IL1RAPL1: variants seen among roughly 807,000 people sequenced by gnomAD.
IL1RAPL1 encodes the protein interleukin-1 receptor accessory protein-like 1.
IL1RAPL1 carries 3 observed loss-of-function variants against 48.4 expected under a neutral mutation model. The ratio of observed to expected loss-of-function variants is 0.06; its 90% CI spans 0.03 to 0.16. The LOEUF is 0.16. Among genes scored for constraint, IL1RAPL1 ranks in the 10% least tolerant of loss-of-function variants. The probability of loss-of-function intolerance (pLI) is 1.00; values close to 1 mark genes in which losing one functional copy is unlikely to be tolerated. For synonymous variants in IL1RAPL1, 185 were observed against 187.7 expected (o/e 0.99, Z 0.12); for missense variants, 349 against 530.6 (o/e 0.66, Z 3.36).
At chrX:28,940,531 C>T (rs1345459461) in intron 2 of IL1RAPL1, among the ~76,000 whole-genome samples, 3 of 110,905 alleles carry the variant, frequency 2.7e-5, no homozygotes, top group East Asian at 2.8e-4. Flanking sequence ...CAGCACCTTG[C>T]AATATCAGAG....
intron 3 of IL1RAPL1, among the ~76,000 whole-genome samples, chrX:29,314,068 A>C (rs1339673004): frequency 8.9e-6 from 1 of 111,911 alleles, no homozygotes; most frequent in African/African-American, 3.2e-5. Context: ...ATTGAGTGCA[A>C]ATAATTAGTG....
At chrX:28,605,086 A>T (rs1012101604) in intron 1 of IL1RAPL1, among the ~76,000 whole-genome samples, 22 of 111,465 alleles carry the variant, frequency 2.0e-4, no homozygotes, top group Admixed American at 1.8e-3. Flanking sequence ...TTTGCTGGGA[A>T]AATGCTCCAT....
chrX:29,454,226 T>C (rs1934713382), intron 5 of IL1RAPL1, among the ~76,000 whole-genome samples: 1 of 112,463 alleles, frequency 8.9e-6, no homozygotes, highest in Admixed American at 9.5e-5. Flanking sequence ...AATAGGCACA[T>C]TATCAGATCA....
At chrX:29,587,038 C>T (rs923726658) in intron 5 of IL1RAPL1, among the ~76,000 whole-genome samples, 5 of 110,404 alleles carry the variant, frequency 4.5e-5, no homozygotes, top group Non-Finnish European at 9.5e-5. Flanking sequence ...ATTACTCTGG[C>T]CAGGACTTTA....
At chrX:29,192,383 T>G (rs757684093) in intron 2 of IL1RAPL1, among the ~76,000 whole-genome samples, 4 of 112,243 alleles carry the variant, frequency 3.6e-5, no homozygotes, top group Non-Finnish European at 7.5e-5. Flanking sequence ...TGCATTTTGG[T>G]GGCCCCAAAA....
chrX:29,096,775 T>G (rs978875999), intron 2 of IL1RAPL1, among the ~76,000 whole-genome samples: 1 of 110,547 alleles, frequency 9.0e-6, no homozygotes, highest in African/African-American at 3.3e-5. Flanking sequence ...TGATTTTCTT[T>G]GAGGTCCAAA....
At position 29,438,093 on chromosome X, in the gene IL1RAPL1, T is replaced by C. The variant is rs999253018; in HGVS notation, c.703+38785T>C. ...GGCTATTCAAATAATTAAATTCATA[T>C]TGAGTGAGTTGTCACAGTTCATGAT... On this transcript the variant is annotated intron_variant, in intron 5 of 10. Coordinates refer to ENST00000378993, the MANE Select transcript of IL1RAPL1 (RefSeq NM_014271.4). Among the ~76,000 whole-genome samples the C allele has an allele frequency of 5.4e-5, 6 of 111,328 alleles. No homozygotes were observed. In the East Asian group the frequency reaches 1.4e-3, roughly 26 times the overall value.
intron 5 of IL1RAPL1, among the ~76,000 whole-genome samples, chrX:29,407,577 G>A (rs981985704): frequency 2.7e-5 from 3 of 111,522 alleles, no homozygotes; most frequent in South Asian, 3.7e-4. Flanking sequence ...GCCATTAACC[G>A]TCTTATGTAC....
At chrX:28,999,513 A>G (rs947556134) in intron 2 of IL1RAPL1, among the ~76,000 whole-genome samples, 4 of 110,279 alleles carry the variant, frequency 3.6e-5, no homozygotes, top group Non-Finnish European at 7.6e-5. Context: ...TTTTATTTTA[A>G]CCCCAGCAGT....
intron 5 of IL1RAPL1, among the ~76,000 whole-genome samples, chrX:29,559,922 C>T (rs1158211997): frequency 1.8e-5 from 2 of 111,721 alleles, no homozygotes; most frequent in African/African-American, 6.5e-5. Flanking sequence ...ATTGGAGTTA[C>T]AAGTGACTTA....
chrX:29,711,069 T>TACAC (rs745317897), intron 6 of IL1RAPL1, among the ~76,000 whole-genome samples: 1,083 of 86,424 alleles, frequency 0.013, 19 homozygotes, highest in African/African-American at 0.042. Context: ...TGTGTGTGTA[T>TACAC]ACACACACAC....
chrX:29,656,799 A>G (rs922817445), intron 5 of IL1RAPL1, among the ~76,000 whole-genome samples: 2 of 111,543 alleles, frequency 1.8e-5, no homozygotes. Context: ...GCTATTCTAC[A>G]TTAGGTGGTT....
intron 5 of IL1RAPL1, among the ~76,000 whole-genome samples, chrX:29,579,202 A>C: frequency 8.9e-6 from 1 of 112,325 alleles, no homozygotes; most frequent in East Asian, 2.8e-4. Flanking sequence ...AGGCTAGCGC[A>C]TATCCAAGGG....
intron 1 of IL1RAPL1, among the ~76,000 whole-genome samples, chrX:28,657,340 AT>A (rs1412987995): frequency 9.0e-6 from 1 of 111,678 alleles, no homozygotes; most frequent in African/African-American, 3.3e-5. Flanking sequence ...CATTTTCCAC[AT>A]TTTTTTCCAG....
intron 3 of IL1RAPL1, among the ~76,000 whole-genome samples, chrX:29,332,793 G>T (rs1372974661): frequency 9.0e-6 from 1 of 111,088 alleles, no homozygotes; most frequent in Non-Finnish European, 1.9e-5. Flanking sequence ...AGGACCCTGC[G>T]GCCTTCCGCA....
intron 6 of IL1RAPL1, among the ~76,000 whole-genome samples, chrX:29,704,488 AC>A (rs1248735487): frequency 1.8e-5 from 2 of 110,338 alleles, no homozygotes. Context: ...AGCCAACGTG[AC>A]AAAACCCTGT....
intron 3 of IL1RAPL1, among the ~76,000 whole-genome samples, chrX:29,339,441 G>T (rs1322091251): frequency 9.0e-6 from 1 of 111,663 alleles, no homozygotes; most frequent in Non-Finnish European, 1.9e-5. Context: ...TTAGGATTCA[G>T]AAAAGGGAAT....
At chrX:29,018,917 C>G (rs1926300736) in intron 2 of IL1RAPL1, among the ~76,000 whole-genome samples, 1 of 111,735 alleles carries the variant, frequency 8.9e-6, no homozygotes, top group South Asian at 3.7e-4. Flanking sequence ...ATAGTCTGTT[C>G]TCATGCTGCT....
chrX:28,662,414 G>T (rs1934833111), intron 1 of IL1RAPL1, among the ~76,000 whole-genome samples: 1 of 111,650 alleles, frequency 9.0e-6, no homozygotes, highest in African/African-American at 3.3e-5. Flanking sequence ...CCTAAGAAAA[G>T]AATTGAGGTA....
Sources: allele counts gnomAD v4.1 joint callset (sites outside exome capture counted in the v4.1 genomes callset), GRCh38; gene constraint gnomAD v4.1.1; transcripts MANE v1.5; gene names NCBI Gene and HGNC (gene_info 2026-07-23, HGNC 2026-07-21).